CRACDL: variants seen among roughly 807,000 people sequenced by gnomAD.
The protein encoded by CRACDL is CRACD like.
In CRACDL, 26 loss-of-function variants were observed where a neutral mutation model predicts 70.6. The ratio of observed to expected loss-of-function variants is 0.37; its 90% CI spans 0.27 to 0.51. CRACDL has a LOEUF of 0.51. Among genes scored for constraint, CRACDL ranks in the 20% least tolerant of loss-of-function variants. CRACDL has a pLI of 0.94. For missense variants in CRACDL, 1,283 were observed against 1,376.9 expected (o/e 0.93, Z 1.08); for synonymous variants, 618 against 615.2 (o/e 1.00, Z -0.07).
chr2:98,928,390 G>A (rs1315857807), intron 1 of CRACDL, among the ~76,000 whole-genome samples: 3 of 152,196 alleles, frequency 2.0e-5, no homozygotes, highest in Non-Finnish European at 4.4e-5. Flanking sequence ...GGTACAGACA[G>A]TTACTGCAGC....
intron 1 of CRACDL, among the ~76,000 whole-genome samples, chr2:98,910,595 G>A (rs1708524435): frequency 6.6e-6 from 1 of 152,046 alleles, no homozygotes; most frequent in Non-Finnish European, 1.5e-5. Flanking sequence ...CCACTGTTTT[G>A]AGGATCCCCC....
At position 98,794,635 on chromosome 2, in the gene CRACDL, T is replaced by C; in HGVS notation, c.2786A>G (p.Gln929Arg). ...SAVMMEKELH[Q>R]LKRASYASTD... is the part of the protein sequence containing the mutation. ...ACTGGCATAACTGGCTCTCTTCAGC[T>C]GATGCAGTTCCTTCTCCATCATCAC... The change falls in exon 10 of 10, where the codon CAG (glutamine) becomes CGG (arginine). Residue 929 changes from glutamine to arginine, a missense_variant. Transcript: ENST00000397899. 2 of 1,613,928 alleles carry C rather than the reference T, an allele frequency of 1.2e-6. No homozygotes were observed.
Position 98,823,317 on chromosome 2 carries a change from G to A in CRACDL, c.956C>T (p.Thr319Met), listed in dbSNP as rs1325694969. ...GACGCCCCCCTCCTCCACGCTGGCC[G>A]TGAGCGCGGAGGAGTGCTGCAGGCG... ...RARLQHSSAL[T>M]ASVEEGGVPG... Residue 319 changes from threonine (T) to methionine (M), a missense_variant, in exon 7 of 10, where the codon ACG (threonine) becomes ATG (methionine). Thr to Met is a moderately conservative substitution (Grantham distance 81). Coordinates refer to ENST00000397899, the MANE Select transcript of CRACDL (RefSeq NM_207362.3). The surrounding 1 kb of genome is among the most constrained non-coding windows in gnomAD (Gnocchi z 4.0). 2.1e-6 allele frequency: 3 copies of A among 1,450,804 alleles called. No homozygotes were observed. Among genetic ancestry groups the A allele is most frequent in the Admixed American group, 5.6e-5 (2 of 35,740 alleles). The allele number at this position is 1,450,804 out of a possible 1,614,324, so 89.9% of individuals were successfully genotyped here. A position where few individuals can be genotyped will look rare whatever the true frequency, so the allele number is the denominator to read the frequency against.
intron 1 of CRACDL, among the ~76,000 whole-genome samples, chr2:98,887,233 A>T (rs1248076726): frequency 6.6e-6 from 1 of 152,232 alleles, no homozygotes; most frequent in Non-Finnish European, 1.5e-5. Flanking sequence ...CATGCCTATA[A>T]TCCCAGCAGT....
At chr2:98,894,442 G>A (rs894267494) in intron 1 of CRACDL, among the ~76,000 whole-genome samples, 2 of 152,222 alleles carry the variant, frequency 1.3e-5, no homozygotes, top group Non-Finnish European at 2.9e-5. Flanking sequence ...AGCCGGAGAT[G>A]TGATTTCCCA....
rs769604002 is a variant in CRACDL at position 98,822,113 on chromosome 2, G to A, written c.2160C>T (p.Thr720=). ...SAEVRLERSL[T]VLPKEEKCPL... ...GACACTTCTCCTCCTTCGGGAGCAC[G>A]GTCAGCGACCTTTCTAACCGGACCT... The change falls in exon 7 of 10, where the codon ACC becomes ACT. Residue 720 remains threonine, a synonymous_variant. Coordinates refer to ENST00000397899, the MANE Select transcript of CRACDL (RefSeq NM_207362.3). The surrounding 1 kb of genome is among the most constrained non-coding windows in gnomAD (Gnocchi z 4.9). 1.3e-6 allele frequency: 2 copies of A among 1,580,670 alleles called. No individual in the cohort carries two copies. The highest frequency in any genetic ancestry group is 4.7e-5 in the East Asian group (2 of 43,002).
chr2:98,910,316 T>C (rs1188566710), intron 1 of CRACDL, among the ~76,000 whole-genome samples: 1 of 152,008 alleles, frequency 6.6e-6, no homozygotes, highest in African/African-American at 2.4e-5. Flanking sequence ...GGCCAGGAGT[T>C]CGAGACCAGC....
chr2:98,877,584 T>A (rs1707517623), intron 1 of CRACDL, among the ~76,000 whole-genome samples: 1 of 151,898 alleles, frequency 6.6e-6, no homozygotes, highest in Non-Finnish European at 1.5e-5. Flanking sequence ...CCGTTACTAC[T>A]AAAAATACAA....
At chr2:98,818,466 A>C (rs1380636413) in intron 7 of CRACDL, among the ~76,000 whole-genome samples, 1 of 152,236 alleles carries the variant, frequency 6.6e-6, no homozygotes, top group African/African-American at 2.4e-5. Context: ...AAGCCGAGTC[A>C]TCTGGAACAC....
intron 1 of CRACDL, among the ~76,000 whole-genome samples, chr2:98,912,529 A>C (rs551931265): frequency 2.0e-5 from 3 of 152,172 alleles, no homozygotes; most frequent in Non-Finnish European, 4.4e-5. Context: ...CTCATCTATG[A>C]TCGGGCTTGT....
At chr2:98,795,077 A>ATATATATATATATTTTTTTTTTTTT in intron 9 of CRACDL, among the ~76,000 whole-genome samples, 11 of 58,462 alleles carry the variant, frequency 1.9e-4, no homozygotes, top group Admixed American at 4.4e-4. Context: ...ATATATATAT[A>ATATATATATATATTTTTTTTTTTTT]TTTTTTTTTT....
At chr2:98,891,395 A>AAAAAAAAAAAAAAAAAAAAAAAAAAAAAC (rs1707976584) in intron 1 of CRACDL, among the ~76,000 whole-genome samples, 1 of 150,238 alleles carries the variant, frequency 6.7e-6, no homozygotes, top group Non-Finnish European at 1.5e-5. Flanking sequence ...AAAAAAAAAA[A>AAAAAAAAAAAAAAAAAAAAAAAAAAAAAC]AAAAAAAAAA....
At chr2:98,803,472 A>G (rs1048103429) in intron 7 of CRACDL, among the ~76,000 whole-genome samples, 2 of 152,216 alleles carry the variant, frequency 1.3e-5, no homozygotes, top group African/African-American at 4.8e-5. Flanking sequence ...TTTTCTTTTC[A>G]TAACATTTCT....
chr2:98,904,632 C>A (rs1708359320), intron 1 of CRACDL, among the ~76,000 whole-genome samples: 1 of 152,218 alleles, frequency 6.6e-6, no homozygotes, highest in African/African-American at 2.4e-5. Context: ...TCAAGAAGAA[C>A]AAAGCCACCT....
In CRACDL at chr2:98,838,270, A is replaced by T; in HGVS notation, c.88T>A (p.Phe30Ile). ...EDSTGKKKSK[F>I]KTFKKFFGKK... ...CCAAAAAACTTCTTAAAAGTTTTGA[A>T]TTTAGATTTTTTCTTTCCTATACAG... is the stretch of plus-strand genomic sequence containing the variant. Residue 30 changes from phenylalanine (F) to isoleucine (I), a missense_variant, in exon 3 of 10, where the codon TTC (phenylalanine) becomes ATC (isoleucine). By Grantham distance (21) the Phe-to-Ile change is conservative (BLOSUM62 0). This residue lies in a region of CRACDL where 362 missense variants were observed against 495.0 expected (regional missense o/e 0.73). Coordinates refer to ENST00000397899, the MANE Select transcript of CRACDL (RefSeq NM_207362.3). 1 of 1,599,028 alleles carries T rather than the reference A, an allele frequency of 6.3e-7. No individual in the cohort carries two copies. The highest frequency in any genetic ancestry group is 8.5e-7 in the Non-Finnish European group (1 of 1,169,748).
chr2:98,887,722 C>G (rs544831964), intron 1 of CRACDL, among the ~76,000 whole-genome samples: 1 of 152,030 alleles, frequency 6.6e-6, no homozygotes, highest in Non-Finnish European at 1.5e-5. Flanking sequence ...ATCAAACAGT[C>G]AAGCCCAAAG....
chr2:98,802,998 C>CTTTTTTTTT (rs34784675), intron 7 of CRACDL, among the ~76,000 whole-genome samples: 1 of 128,240 alleles, frequency 7.8e-6, no homozygotes, highest in Non-Finnish European at 1.7e-5. Flanking sequence ...ACATGCCTGG[C>CTTTTTTTTT]TTTTTTTTTT....
chr2:98,819,027 G>C (rs1704913826), intron 7 of CRACDL, among the ~76,000 whole-genome samples: 1 of 152,162 alleles, frequency 6.6e-6, no homozygotes, highest in African/African-American at 2.4e-5. Flanking sequence ...ATCTAACTCT[G>C]ACATTTCTAT....
At chr2:98,872,730 C>CT (rs1467271967) in intron 1 of CRACDL, among the ~76,000 whole-genome samples, 3 of 152,234 alleles carry the variant, frequency 2.0e-5, no homozygotes, top group Non-Finnish European at 2.9e-5. Flanking sequence ...CCAGGTGATG[C>CT]TGACGATGCT....
Sources: gnomAD v4.1 joint callset for allele counts (sites outside exome capture counted in the v4.1 genomes callset) on GRCh38, gnomAD v4.1.1 for gene constraint, gnomAD v4.1.1 regional missense constraint, Gnocchi (gnomAD v3.1) non-coding constraint, MANE v1.5 for transcripts, NCBI Gene and HGNC (gene_info 2026-07-23, HGNC 2026-07-21) for gene names.